Variants in PEPD observed in about 807,000 individuals in gnomAD.
PEPD encodes the protein xaa-Pro dipeptidase.
A neutral mutation model predicts 60.7 loss-of-function variants in PEPD; 53 were observed. That is an observed-to-expected ratio of 0.87 (90% CI 0.70 to 1.10). PEPD has a LOEUF of 1.10. Ranked by LOEUF, PEPD falls within the 50% of genes least tolerant of loss-of-function variation. The pLI, the probability that PEPD is intolerant of heterozygous loss-of-function variation, is 0.00. For synonymous variants in PEPD, 267 were observed against 284.1 expected, an observed-to-expected ratio of 0.94 and a Z score of 0.60; for missense variants, 711 against 711.9, an observed-to-expected ratio of 1.00 and a Z score of 0.01.
At chr19:33,458,879 G>A (rs1273632916) in intron 9 of PEPD, among the ~76,000 whole-genome samples, 1 of 36,782 alleles carries the variant, frequency 2.7e-5, no homozygotes, top group Non-Finnish European at 6.5e-5. Context: ...TGTCATGTGT[G>A]TGGCATCTGG....
chr19:33,511,065 G>A lies in PEPD; in HGVS notation c.292C>T (p.Pro98Ser). The change falls in exon 3 of 15, where the codon CCC becomes TCC. Residue 98 changes from proline (P) to serine (S), a missense_variant. Physicochemically the swap from Pro to Ser is moderately conservative, Grantham distance 74. Transcript: ENST00000244137. ...GTGGCATGGCTGGCAGGAAGCCTGG[G>A]CACAAACAGGGTCGACTTCCCAGTG... ...VDTGKSTLFVPRLPASHATWM... is the reference protein window; with the variant it reads ...VDTGKSTLFVSRLPASHATWM... 6.2e-7 allele frequency: 1 copy of A among 1,613,948 alleles called. No individual in the cohort carries two copies. The highest frequency in any genetic ancestry group is 8.5e-7 in the Non-Finnish European group (1 of 1,179,936).
At chr19:33,399,113 C>T (rs189600894) in intron 12 of PEPD, among the ~76,000 whole-genome samples, 14 of 152,238 alleles carry the variant, frequency 9.2e-5, no homozygotes, top group African/African-American at 2.4e-4. Context: ...CTTGGCCTCC[C>T]GAGTAGCTGG....
intron 11 of PEPD, among the ~76,000 whole-genome samples, chr19:33,407,756 A>C (rs1016364145): frequency 2.0e-5 from 3 of 152,074 alleles, no homozygotes; most frequent in Admixed American, 6.5e-5. Context: ...GCGGGAAAAG[A>C]CTCTGAGAAC....
At chr19:33,420,786 TACAGA>T (rs970848971) in intron 9 of PEPD, among the ~76,000 whole-genome samples, 29 of 151,496 alleles carry the variant, frequency 1.9e-4, no homozygotes, top group African/African-American at 6.8e-4. Flanking sequence ...GGGACATACA[TACAGA>T]AAAGAACTCA....
chr19:33,396,251 GAC>G (rs1157310822), intron 12 of PEPD: 1 of 152,570 alleles, frequency 6.6e-6, no homozygotes, highest in Non-Finnish European at 1.5e-5. Context: ...GATGAGGACT[GAC>G]AGGAAGTCTA....
chr19:33,439,366 G>C (rs1327268766), intron 9 of PEPD, among the ~76,000 whole-genome samples: 1 of 152,204 alleles, frequency 6.6e-6, no homozygotes, highest in East Asian at 1.9e-4. Flanking sequence ...GGACCCTGAG[G>C]AGCAGCACCA....
intron 4 of PEPD, among the ~76,000 whole-genome samples, chr19:33,497,545 C>T (rs1456017295): frequency 2.0e-5 from 3 of 152,256 alleles, no homozygotes; most frequent in African/African-American, 7.2e-5. Flanking sequence ...ACCTGCATGG[C>T]ATACATGCTA....
chr19:33,453,422 T>C (rs1969736005), intron 9 of PEPD, among the ~76,000 whole-genome samples: 1 of 152,238 alleles, frequency 6.6e-6, no homozygotes, highest in Non-Finnish European at 1.5e-5. Flanking sequence ...GCATGCCTCA[T>C]CTTACCGTGC....
At chr19:33,439,362 T>C (rs978637177) in intron 9 of PEPD, among the ~76,000 whole-genome samples, 1 of 152,172 alleles carries the variant, frequency 6.6e-6, no homozygotes, top group Non-Finnish European at 1.5e-5. Flanking sequence ...GGCAGGACCC[T>C]GAGGAGCAGC....
At chr19:33,428,554 G>A (rs1039433224) in intron 9 of PEPD, among the ~76,000 whole-genome samples, 4 of 152,122 alleles carry the variant, frequency 2.6e-5, no homozygotes, top group African/African-American at 7.2e-5. Context: ...CCTGCTCACC[G>A]CCAGTTACCA....
At chr19:33,437,027 C>G (rs1481917510) in intron 9 of PEPD, among the ~76,000 whole-genome samples, 1 of 152,152 alleles carries the variant, frequency 6.6e-6, no homozygotes, top group Non-Finnish European at 1.5e-5. Context: ...GAGAAGCTGG[C>G]ACGGAAGAGG....
intron 13 of PEPD, 167 bp from the exon 14 acceptor site, chr19:33,388,248 A>G (rs1376973640): frequency 4.2e-6 from 3 of 707,928 alleles, no homozygotes; most frequent in Non-Finnish European, 5.1e-6. Flanking sequence ...GGGCACCCTG[A>G]TAAGACCTTC....
Position 33,396,497 on chromosome 19 carries a change from A to G in PEPD, c.968-5018T>C, listed in dbSNP as rs1398786113. Among the ~76,000 whole-genome samples the G allele has an allele frequency of 5.3e-5, 8 of 152,182 alleles. No individual in the cohort carries two copies. In the South Asian group the frequency reaches 1.5e-3, roughly 28 times the overall value. ...CTTCTTTCCCCTCCTCTGACCTCACATTGGCAGCACCCCCGTCACTCACAA... is the reference window on the plus strand; with the variant it reads ...CTTCTTTCCCCTCCTCTGACCTCACGTTGGCAGCACCCCCGTCACTCACAA... On this transcript the variant is annotated intron_variant, in intron 12 of 14. Transcript: ENST00000244137.
intron 12 of PEPD, among the ~76,000 whole-genome samples, chr19:33,392,308 T>C (rs1232534727): frequency 6.6e-6 from 1 of 152,202 alleles, no homozygotes; most frequent in Non-Finnish European, 1.5e-5. Context: ...AGGAGGCCCT[T>C]AGAGAGCTCT....
intron 9 of PEPD, among the ~76,000 whole-genome samples, chr19:33,437,078 G>C (rs1190453088): frequency 6.6e-6 from 1 of 152,100 alleles, no homozygotes; most frequent in Non-Finnish European, 1.5e-5. Context: ...CAGGGGCCAC[G>C]GGAGAAGCAA....
rs149406115 is a variant in PEPD at position 33,411,722 on chromosome 19, G to A, written c.768C>T (p.Tyr256=). The A allele has an allele frequency of 8.1e-6, 13 of 1,610,230 alleles. No homozygotes were observed. The highest frequency in any genetic ancestry group is 1.3e-5 in the African/African-American group (1 of 74,976). The change falls in exon 11 of 15, where the codon TAC becomes TAT. Residue 256 remains tyrosine, a synonymous_variant. Coordinates refer to ENST00000244137, the MANE Select transcript of PEPD (RefSeq NM_000285.4). Reference sequence around the variant, plus strand: ...GGTCGTTGGGAGCTCCGGCGTGTCCGTAGTGTAGCACGGCTGAGTTCTCAC... The same window carrying A: ...GGTCGTTGGGAGCTCCGGCGTGTCCATAGTGTAGCACGGCTGAGTTCTCAC... ...GSGENSAVLH[Y]GHAGAPNDRT...
At chr19:33,460,192 C>G (rs1304421361) in intron 9 of PEPD, among the ~76,000 whole-genome samples, 1 of 152,176 alleles carries the variant, frequency 6.6e-6, no homozygotes, top group Non-Finnish European at 1.5e-5. Flanking sequence ...TCACTTAAAA[C>G]CTTTTCTTCT....
chr19:33,401,802 C>T lies in PEPD; in HGVS notation c.886G>A (p.Gly296Ser), dbSNP rs370970279. 2.0e-5 allele frequency: 33 copies of T among 1,612,876 alleles called. No homozygotes were observed. Among genetic ancestry groups the T allele is most frequent in the Middle Eastern group, 1.6e-4 (1 of 6,082 alleles). ...SDITCSFPAN[G>S]KFTADQKAVY... The stretch of plus-strand genomic sequence containing the variant: ...GCCTTCTGGTCTGCAGTGAACTTGC[C>T]GTTGGCGGGAAAGGAGCAGGTGATG... Residue 296 changes from glycine to serine, a missense_variant, in exon 12 of 15, where the codon GGC (glycine) becomes AGC (serine). Gly to Ser is a moderately conservative substitution (Grantham distance 56, BLOSUM62 0). Coordinates refer to ENST00000244137, the MANE Select transcript of PEPD (RefSeq NM_000285.4).
At position 33,442,426 on chromosome 19, in the gene PEPD, C is replaced by T. The variant is rs1188436981; in HGVS notation, c.671+20569G>A. ...TGTCTCAAAAAAAAAAAAGCCTGGG[C>T]GCGGTGGCTCACGCCTATAATCTCA... On this transcript the variant is annotated intron_variant, in intron 9 of 14. Coordinates refer to ENST00000244137, the MANE Select transcript of PEPD (RefSeq NM_000285.4). Among the ~76,000 whole-genome samples, 13 of 148,270 alleles carry T rather than the reference C, an allele frequency of 8.8e-5. No homozygotes were observed. In the East Asian group the frequency reaches 1.6e-3, roughly 18 times the overall value.
Sources: gnomAD v4.1 joint callset for allele counts (sites outside exome capture counted in the v4.1 genomes callset) on GRCh38, gnomAD v4.1.1 for gene constraint, MANE v1.5 for transcripts, NCBI Gene and HGNC (gene_info 2026-07-23, HGNC 2026-07-21) for gene names.